SPAG16: variants seen among roughly 807,000 people sequenced by gnomAD.
The protein encoded by SPAG16 is sperm-associated antigen 16 protein.
A neutral mutation model predicts 80.4 loss-of-function variants in SPAG16; 86 were observed. The observed-to-expected ratio is 1.07, with a 90% CI of 0.90 to 1.28. The LOEUF (loss-of-function observed/expected upper bound fraction) is 1.28. Among genes scored for constraint, SPAG16 ranks in the 50% most tolerant of loss-of-function variants. The probability of loss-of-function intolerance (pLI) is 0.00; values close to 1 mark genes in which losing one functional copy is unlikely to be tolerated. For missense variants in SPAG16, 870 were observed against 765.3 expected (o/e 1.14, Z -1.61); for synonymous variants, 294 against 265.9 (o/e 1.11, Z -1.03).
chr2:213,559,907 T>C (rs1298472507), intron 10 of SPAG16, among the ~76,000 whole-genome samples: 1 of 152,130 alleles, frequency 6.6e-6, no homozygotes, highest in Non-Finnish European at 1.5e-5. Flanking sequence ...AATATGCTTT[T>C]AATTTATATA....
At chr2:213,315,488 A>G (rs2063361697) in intron 4 of SPAG16, among the ~76,000 whole-genome samples, 1 of 151,914 alleles carries the variant, frequency 6.6e-6, no homozygotes, top group East Asian at 1.9e-4. Context: ...CATTCCCATA[A>G]GCATACAGAT....
At chr2:213,638,843 T>C (rs532609322) in intron 10 of SPAG16, among the ~76,000 whole-genome samples, 2 of 152,338 alleles carry the variant, frequency 1.3e-5, no homozygotes, top group East Asian at 1.9e-4. Context: ...CTGTGGAATA[T>C]TGAAGTTCCT....
chr2:214,008,184 T>A (rs2047114371), intron 12 of SPAG16, among the ~76,000 whole-genome samples: 1 of 152,192 alleles, frequency 6.6e-6, no homozygotes, highest in South Asian at 2.1e-4. Context: ...CATTTTAATT[T>A]CACATTTACT....
intron 10 of SPAG16, among the ~76,000 whole-genome samples, chr2:213,611,654 G>A (rs1164080692): frequency 6.6e-6 from 1 of 152,108 alleles, no homozygotes; most frequent in Non-Finnish European, 1.5e-5. Context: ...GTAATAAAAT[G>A]TCCAGGGTAA....
intron 15 of SPAG16, among the ~76,000 whole-genome samples, chr2:214,352,368 G>A (rs1698469166): frequency 6.6e-6 from 1 of 152,078 alleles, no homozygotes; most frequent in South Asian, 2.1e-4. Flanking sequence ...TATATTTGAA[G>A]GATAAATCAC....
intron 15 of SPAG16, among the ~76,000 whole-genome samples, chr2:214,253,269 T>C (rs556429202): frequency 5.3e-5 from 8 of 152,130 alleles, no homozygotes; most frequent in Non-Finnish European, 7.4e-5. Context: ...TTCACTCCTA[T>C]GATAGTTTCT....
chr2:214,118,593 A>G (rs919647934), intron 14 of SPAG16, among the ~76,000 whole-genome samples: 1 of 152,106 alleles, frequency 6.6e-6, no homozygotes, highest in East Asian at 1.9e-4. Context: ...AAGGGGGAAA[A>G]GCCCCTTGTA....
At chr2:213,890,936 C>A (rs937346103) in intron 11 of SPAG16, among the ~76,000 whole-genome samples, 4 of 151,956 alleles carry the variant, frequency 2.6e-5, no homozygotes, top group African/African-American at 7.2e-5. Flanking sequence ...CTTAGAAAGT[C>A]ATCATTCCAA....
At chr2:213,893,074 G>GAA (rs1360046066) in intron 11 of SPAG16, among the ~76,000 whole-genome samples, 1 of 151,840 alleles carries the variant, frequency 6.6e-6, no homozygotes, top group Non-Finnish European at 1.5e-5. Flanking sequence ...AGAAAAGAAG[G>GAA]AAAATAAAAA....
chr2:214,370,113 A>G (rs1011197810), intron 15 of SPAG16, among the ~76,000 whole-genome samples: 2 of 151,976 alleles, frequency 1.3e-5, no homozygotes, highest in Admixed American at 1.3e-4. Flanking sequence ...GGTGTCTATA[A>G]TGCTTCCCTT....
chr2:213,291,062 T>C (rs1290136604), intron 1 of SPAG16, among the ~76,000 whole-genome samples: 2 of 152,234 alleles, frequency 1.3e-5, no homozygotes, highest in Non-Finnish European at 2.9e-5. Flanking sequence ...ACAGAGATGG[T>C]ATCTGATTCC....
chr2:214,061,920 TC>T (rs1160478665), intron 13 of SPAG16, among the ~76,000 whole-genome samples: 19 of 150,712 alleles, frequency 1.3e-4, no homozygotes, highest in South Asian at 4.2e-4. Context: ...AAGATAAAGT[TC>T]CCAGTGTTTG....
chr2:213,438,557 G>A (rs1012472110), intron 9 of SPAG16, among the ~76,000 whole-genome samples: 2 of 152,216 alleles, frequency 1.3e-5, no homozygotes, highest in Non-Finnish European at 2.9e-5. Flanking sequence ...AATATTTGCT[G>A]TCTGGTTCTT....
intron 15 of SPAG16, among the ~76,000 whole-genome samples, chr2:214,388,488 T>C (rs940168126): frequency 3.3e-5 from 5 of 152,216 alleles, no homozygotes; most frequent in East Asian, 1.9e-4. Context: ...CTTTATGTTA[T>C]GTATATGTTT....
At chr2:213,335,978 C>T (rs1317872573) in intron 5 of SPAG16, among the ~76,000 whole-genome samples, 1 of 151,896 alleles carries the variant, frequency 6.6e-6, no homozygotes, top group African/African-American at 2.4e-5. Context: ...CCAGTGAATT[C>T]TGAATCTTCA....
chr2:214,094,119 T>G (rs2052417801), intron 13 of SPAG16, among the ~76,000 whole-genome samples: 1 of 152,068 alleles, frequency 6.6e-6, no homozygotes, highest in Non-Finnish European at 1.5e-5. Flanking sequence ...TCTTCCCAAA[T>G]CAGAGTTCAG....
At chr2:214,098,814 C>T (rs1338059973) in intron 13 of SPAG16, among the ~76,000 whole-genome samples, 1 of 152,016 alleles carries the variant, frequency 6.6e-6, no homozygotes, top group African/African-American at 2.4e-5. Context: ...GATTTTATAT[C>T]CAGTTTTTGT....
At chr2:213,743,318 G>A (rs1450786237) in intron 10 of SPAG16, among the ~76,000 whole-genome samples, 1 of 152,126 alleles carries the variant, frequency 6.6e-6, no homozygotes, top group Non-Finnish European at 1.5e-5. Flanking sequence ...TTAGAACAAT[G>A]CCTGGCCCCT....
chr2:214,089,782 A>G (rs2125306890), intron 13 of SPAG16, among the ~76,000 whole-genome samples: 1 of 152,156 alleles, frequency 6.6e-6, no homozygotes, highest in South Asian at 2.1e-4. Context: ...CAGTTCTTCA[A>G]ATTTAGAAGT....
Sources: gnomAD v4.1 joint callset for allele counts (sites outside exome capture counted in the v4.1 genomes callset) on GRCh38, gnomAD v4.1.1 for gene constraint, MANE v1.5 for transcripts, NCBI Gene and HGNC (gene_info 2026-07-23, HGNC 2026-07-21) for gene names.